DNMBP: variants seen among roughly 807,000 people sequenced by gnomAD.
DNMBP encodes the protein dynamin binding protein.
A neutral mutation model predicts 150.0 loss-of-function variants in DNMBP; 87 were observed. The ratio of observed to expected loss-of-function variants is 0.58; its 90% CI spans 0.49 to 0.69. The LOEUF (loss-of-function observed/expected upper bound fraction) is 0.69. DNMBP is among the 30% of genes least tolerant of loss of function. DNMBP has a pLI of 0.00. For missense variants in DNMBP, 1,774 were observed against 1,949.0 expected (o/e 0.91, Z 1.69); for synonymous variants, 711 against 750.4 (o/e 0.95, Z 0.86).
In DNMBP at chr10:99,888,923, CAGCAGCCACCACT is replaced by C; in HGVS notation, c.3174_3186del (p.Val1059Ter). The C allele has an allele frequency of 6.2e-7, 1 of 1,614,190 alleles. No homozygotes were observed. Among genetic ancestry groups the C allele is most frequent in the Non-Finnish European group, 8.5e-7 (1 of 1,180,036 alleles). ...TCCATGCACACATCCCACATGCTCA[CAGCAGCCACCACT>C]TTCACACATGCGGACTCCTGGAGCC... On this transcript the variant is annotated frameshift_variant, in exon 12 of 17. Coordinates refer to ENST00000324109, the MANE Select transcript of DNMBP (RefSeq NM_015221.4). LOFTEE classifies it high-confidence loss of function.
intron 4 of DNMBP, among the ~76,000 whole-genome samples, chr10:99,925,018 C>A (rs2040062687): frequency 6.6e-6 from 1 of 152,206 alleles, no homozygotes; most frequent in Admixed American, 6.5e-5. Flanking sequence ...CACCAACCTA[C>A]CAAATGCAAA....
intron 1 of DNMBP, among the ~76,000 whole-genome samples, chr10:99,972,724 C>T (rs935153004): frequency 6.6e-6 from 1 of 152,208 alleles, no homozygotes; most frequent in Non-Finnish European, 1.5e-5. Flanking sequence ...GATCCTCCTA[C>T]CTCAGCTTTC....
intron 4 of DNMBP, chr10:99,929,595 G>C: frequency 3.1e-6 from 2 of 650,222 alleles, no homozygotes; most frequent in Non-Finnish European, 5.5e-6. Flanking sequence ...AAGAAGGCTG[G>C]CTGAGTTCAT....
intron 1 of DNMBP, among the ~76,000 whole-genome samples, chr10:99,975,658 C>T (rs1290503149): frequency 6.6e-6 from 1 of 152,106 alleles, no homozygotes; most frequent in East Asian, 1.9e-4. Context: ...CAAAAAAAAT[C>T]TAATTATAAT....
rs749135239 is a variant in DNMBP at position 99,886,526 on chromosome 10, A to G, written c.3392T>C (p.Phe1131Ser). 1 of 1,614,134 alleles carries G rather than the reference A, an allele frequency of 6.2e-7. No individual in the cohort carries two copies. The highest frequency in any genetic ancestry group is 2.2e-5 in the East Asian group (1 of 44,882). The change falls in exon 13 of 17, where the codon TTC (phenylalanine) becomes TCC (serine). Residue 1131 changes from phenylalanine to serine, a missense_variant. This residue lies in a region of DNMBP where 1,430 missense variants were observed against 1,492.5 expected (regional missense o/e 0.96). Coordinates refer to ENST00000324109, the MANE Select transcript of DNMBP (RefSeq NM_015221.4). ...TTCTGCCCGTTCTGTACAGTTATAGAAGTCCAGGAGCTTGTCAAAGCGTTT... is the reference window on the plus strand; with the variant it reads ...TTCTGCCCGTTCTGTACAGTTATAGGAGTCCAGGAGCTTGTCAAAGCGTTT... ...VQKRFDKLLD[F>S]YNCTERAEKL...
chr10:99,894,731 A>G (rs1041060679), intron 11 of DNMBP, among the ~76,000 whole-genome samples: 11 of 152,228 alleles, frequency 7.2e-5, no homozygotes, highest in Admixed American at 4.6e-4. Context: ...AGAGGGTGGA[A>G]AAAGTTGGGC....
At chr10:99,946,650 C>T (rs528694406) in intron 4 of DNMBP, among the ~76,000 whole-genome samples, 2 of 152,156 alleles carry the variant, frequency 1.3e-5, no homozygotes, top group East Asian at 3.8e-4. Flanking sequence ...TCAAACTACA[C>T]AAATCCTTGA....
intron 6 of DNMBP, among the ~76,000 whole-genome samples, chr10:99,903,279 C>T (rs564141597): frequency 1.3e-5 from 2 of 152,002 alleles, no homozygotes; most frequent in African/African-American, 4.8e-5. Context: ...ACCTACCAGT[C>T]ACAACAGTGG....
At chr10:99,936,670 G>A (rs1022850461) in intron 4 of DNMBP, among the ~76,000 whole-genome samples, 5 of 151,638 alleles carry the variant, frequency 3.3e-5, no homozygotes, top group Non-Finnish European at 7.4e-5. Flanking sequence ...GTGCTATTAC[G>A]TGCCTTTTGG....
intron 1 of DNMBP, among the ~76,000 whole-genome samples, chr10:100,003,754 G>A (rs2041040310): frequency 6.6e-6 from 1 of 152,084 alleles, no homozygotes; most frequent in African/African-American, 2.4e-5. Flanking sequence ...GGTGGCTGCA[G>A]TGAGCTATCA....
At chr10:99,878,891 C>T (rs1398636173) in intron 16 of DNMBP, among the ~76,000 whole-genome samples, 1 of 151,746 alleles carries the variant, frequency 6.6e-6, no homozygotes, top group Non-Finnish European at 1.5e-5. Context: ...AATTGGGAGG[C>T]CAAGGCAGGC....
intron 4 of DNMBP, among the ~76,000 whole-genome samples, chr10:99,913,167 C>T (rs774729341): frequency 6.6e-5 from 10 of 151,950 alleles, no homozygotes; most frequent in African/African-American, 9.7e-5. Flanking sequence ...GACAACAAAG[C>T]GGGAGAAGGC....
chr10:99,931,496 T>C (rs975082623), intron 4 of DNMBP, among the ~76,000 whole-genome samples: 5 of 152,210 alleles, frequency 3.3e-5, no homozygotes, highest in African/African-American at 1.2e-4. Context: ...GAGTAGGTGA[T>C]TTTATAGCGT....
At chr10:99,978,539 T>C (rs1405094852) in intron 1 of DNMBP, among the ~76,000 whole-genome samples, 1 of 152,234 alleles carries the variant, frequency 6.6e-6, no homozygotes, top group Non-Finnish European at 1.5e-5. Context: ...AACTCTGACA[T>C]ATATATCTTA....
At chr10:99,908,432 C>T (rs1399463834) in intron 5 of DNMBP, among the ~76,000 whole-genome samples, 1 of 152,216 alleles carries the variant, frequency 6.6e-6, no homozygotes, top group East Asian at 1.9e-4. Context: ...GTGAATGCTC[C>T]AAGGGTGTAA....
rs183769293 is a variant in DNMBP at position 99,890,831 on chromosome 10, G to A, written c.3157-1878C>T. ...CCAGCTAATTTTTGTAGTTTTAGTAGAGACAGGGTTTCACCACGTTGGCCA... is the reference window on the plus strand; with the variant it reads ...CCAGCTAATTTTTGTAGTTTTAGTAAAGACAGGGTTTCACCACGTTGGCCA... On this transcript the variant is annotated intron_variant, in intron 11 of 16. Coordinates refer to ENST00000324109, the MANE Select transcript of DNMBP (RefSeq NM_015221.4). Among the ~76,000 whole-genome samples, 812 of 152,202 alleles carry A rather than the reference G, an allele frequency of 5.3e-3. 9 individuals carry two copies. Among genetic ancestry groups the A allele is most frequent in the African/African-American group, 0.019 (775 of 41,532 alleles).
At position 99,907,287 on chromosome 10, in the gene DNMBP, C is replaced by G. The variant is rs112078892; in HGVS notation, c.2554+708G>C. On this transcript the variant is annotated intron_variant, in intron 6 of 16. Coordinates refer to ENST00000324109, the MANE Select transcript of DNMBP (RefSeq NM_015221.4). The stretch of plus-strand genomic sequence containing the variant: ...AGGCTGCAGTGAGCTGAATTCGCAC[C>G]ACTGCACTCCAACCTGGGCGACAGT... Among the ~76,000 whole-genome samples the G allele has an allele frequency of 8.7e-3, 1,321 of 151,676 alleles. 24 individuals carry two copies. Among genetic ancestry groups the G allele is most frequent in the African/African-American group, 0.029 (1,203 of 41,370 alleles).
chr10:99,990,008 C>T (rs971528837), intron 1 of DNMBP, among the ~76,000 whole-genome samples: 9 of 152,170 alleles, frequency 5.9e-5, no homozygotes, highest in Non-Finnish European at 1.2e-4. Flanking sequence ...GTCAATCAAG[C>T]ACCTAGAGTT....
intron 16 of DNMBP, among the ~76,000 whole-genome samples, chr10:99,879,240 G>A (rs1399352498): frequency 2.0e-5 from 3 of 152,130 alleles, no homozygotes; most frequent in East Asian, 1.9e-4. Context: ...CGAGGTGGGC[G>A]GATCACTTGA....
Sources: gnomAD v4.1 joint callset for allele counts (sites outside exome capture counted in the v4.1 genomes callset) on GRCh38, gnomAD v4.1.1 for gene constraint, gnomAD v4.1.1 regional missense constraint, MANE v1.5 for transcripts, NCBI Gene and HGNC (gene_info 2026-07-23, HGNC 2026-07-21) for gene names.